MYL9: variants seen among roughly 807,000 people sequenced by gnomAD.
MYL9 encodes myosin light chain 9.
A neutral mutation model predicts 12.8 loss-of-function variants in MYL9; 7 were observed. The observed-to-expected ratio is 0.55, with a 90% CI of 0.31 to 1.03. The LOEUF (loss-of-function observed/expected upper bound fraction) is 1.03. MYL9 is among the 50% of genes least tolerant of loss of function. The pLI is 0.05. For missense variants in MYL9, 190 were observed against 242.7 expected (o/e 0.78, Z 1.44); for synonymous variants, 81 against 87.8 (o/e 0.92, Z 0.43).
intron 2 of MYL9, among the ~76,000 whole-genome samples, chr20:36,546,369 G>A (rs1026414916): frequency 2.6e-5 from 4 of 152,150 alleles, no homozygotes; most frequent in South Asian, 2.1e-4. Context: ...GTCAAGCCTC[G>A]AGCTTTGAGG....
intron 1 of MYL9, among the ~76,000 whole-genome samples, chr20:36,544,051 A>T (rs1194900159): frequency 6.6e-6 from 1 of 152,184 alleles, no homozygotes; most frequent in Non-Finnish European, 1.5e-5. Flanking sequence ...TGATAGGTGT[A>T]GGTCAGGGTC....
At chr20:36,543,479 G>A (rs749089654) in intron 1 of MYL9, among the ~76,000 whole-genome samples, 8 of 152,192 alleles carry the variant, frequency 5.3e-5, no homozygotes, top group Admixed American at 6.5e-5. Flanking sequence ...AAGAGGGGCC[G>A]CAGTCCTGGA....
intron 2 of MYL9, among the ~76,000 whole-genome samples, chr20:36,545,506 A>G (rs1413179512): frequency 4.0e-5 from 6 of 151,184 alleles, no homozygotes; most frequent in African/African-American, 1.5e-4. Context: ...CAAAAAAAAA[A>G]AAAAAAACAG....
intron 2 of MYL9, among the ~76,000 whole-genome samples, chr20:36,546,162 C>CA (rs759487550): frequency 3.9e-5 from 6 of 152,208 alleles, no homozygotes; most frequent in African/African-American, 1.2e-4. Flanking sequence ...GATGGGGAAA[C>CA]ACAGGCCCAG....
At chr20:36,543,505 A>C (rs1022055367) in intron 1 of MYL9, among the ~76,000 whole-genome samples, 35 of 152,320 alleles carry the variant, frequency 2.3e-4, no homozygotes, top group South Asian at 8.3e-4. Context: ...AGCCAGGCCC[A>C]CTGCCCCAGC....
intron 3 of MYL9, among the ~76,000 whole-genome samples, chr20:36,548,749 C>T (rs183463463): frequency 1.1e-3 from 165 of 152,270 alleles, no homozygotes; most frequent in Non-Finnish European, 2.1e-3. Flanking sequence ...GGCAGTGGAA[C>T]TCCAGAGCTC....
rs2038156403 is a variant in MYL9 at position 36,550,546 on chromosome 20, G to GGGATT, written c.*1297_*1298insGGATT. On this transcript the variant is annotated 3_prime_UTR_variant, in exon 4 of 4. Transcript: ENST00000279022. ...CCACCCCACCTGACCCCAGCGAGTG[G>GGGATT]ACCCAGCTTGGTCCTGAGGCCTTCT... 6.5e-6 allele frequency: 1 copy of GGGATT among 152,906 alleles called. No individual in the cohort carries two copies. The highest frequency in any genetic ancestry group is 1.5e-5 in the Non-Finnish European group (1 of 68,718). The allele number at this position is 152,906 out of a possible 1,614,324, so 9.5% of individuals were successfully genotyped here.
intron 1 of MYL9, among the ~76,000 whole-genome samples, chr20:36,543,982 C>T (rs2038065662): frequency 6.6e-6 from 1 of 152,122 alleles, no homozygotes; most frequent in African/African-American, 2.4e-5. Flanking sequence ...CCTTGAATGC[C>T]AGGATGAGGG....
intron 1 of MYL9, among the ~76,000 whole-genome samples, chr20:36,542,548 G>A (rs1011082774): frequency 2.6e-5 from 4 of 151,928 alleles, no homozygotes; most frequent in Admixed American, 6.6e-5. Flanking sequence ...TCTAGAAGGC[G>A]CCTCTGGATA....
chr20:36,545,557 C>T (rs1278344738), intron 2 of MYL9, among the ~76,000 whole-genome samples: 2 of 150,964 alleles, frequency 1.3e-5, no homozygotes, highest in African/African-American at 2.4e-5. Context: ...AGGGTCTGAA[C>T]GTAGACAGGC....
chr20:36,545,169 C>G, intron 2 of MYL9, 101 bp downstream of exon 2: 1 of 1,331,838 alleles, frequency 7.5e-7, no homozygotes, highest in Non-Finnish European at 1.0e-6. Flanking sequence ...TGGTGTCCAC[C>G]TTAGAGAATA....
intron 2 of MYL9, among the ~76,000 whole-genome samples, chr20:36,546,963 G>A (rs1168108003): frequency 6.6e-6 from 1 of 152,250 alleles, no homozygotes; most frequent in South Asian, 2.1e-4. Context: ...TGAGAGAAGG[G>A]GCTGGCCTTA....
In MYL9 at chr20:36,545,011, C is replaced by T. The variant is rs778734638; in HGVS notation, c.127C>T (p.Gln43Ter). Residue 43 changes from glutamine to a stop codon, truncating the protein, a stop_gained, in exon 2 of 4, where the codon CAG becomes TAG. Transcript: ENST00000279022. LOFTEE classifies it high-confidence loss of function. ...EFKEAFNMID[Q>*]NRDGFIDKED... ...TAAGGAGGCTTTCAACATGATTGAC[C>T]AGAACCGTGATGGCTTCATTGACAA... is the stretch of plus-strand genomic sequence containing the variant. 6.2e-7 allele frequency: 1 copy of T among 1,614,122 alleles called. No homozygotes were observed. Among genetic ancestry groups the T allele is most frequent in the Admixed American group, 1.7e-5 (1 of 60,008 alleles).
chr20:36,545,472 G>A (rs1418252445), intron 2 of MYL9, among the ~76,000 whole-genome samples: 2 of 150,254 alleles, frequency 1.3e-5, no homozygotes, highest in Admixed American at 6.6e-5. Flanking sequence ...ACTCCAGCCT[G>A]GGCAACAGAG....
rs565801605 is a variant in MYL9, at chr20:36,549,243, C to G, written c.513C>G (p.Asp171Glu). The G allele has an allele frequency of 6.2e-7, 1 of 1,610,352 alleles. No individual in the cohort carries two copies. The highest frequency in any genetic ancestry group is 1.3e-5 in the African/African-American group (1 of 74,828). The change falls in exon 4 of 4, where the codon GAC becomes GAG. Residue 171 changes from aspartate (D) to glutamate (E), a missense_variant. Asp to Glu is a conservative substitution (Grantham distance 45, BLOSUM62 2). Coordinates refer to ENST00000279022, the MANE Select transcript of MYL9 (RefSeq NM_006097.5). Reference protein sequence around the residue: ...RILKHGAKDKDD With the variant: ...RILKHGAKDKED Reference sequence around the variant, plus strand: ...TCAAACATGGCGCCAAGGATAAAGACGACTAGGCCACCCCAGCCCCCTGAC... The same window carrying G: ...TCAAACATGGCGCCAAGGATAAAGAGGACTAGGCCACCCCAGCCCCCTGAC...
intron 1 of MYL9, among the ~76,000 whole-genome samples, chr20:36,541,988 G>C (rs2147893495): frequency 6.6e-6 from 1 of 152,184 alleles, no homozygotes; most frequent in African/African-American, 2.4e-5. Flanking sequence ...TGGAGAAACA[G>C]CCCTGTGGGA....
At chr20:36,549,014 T>C (rs1210766658) in intron 3 of MYL9, 63 bp from the exon 4 acceptor site, 1 of 1,516,694 alleles carries the variant, frequency 6.6e-7, no homozygotes, top group African/African-American at 1.4e-5. Flanking sequence ...GGCTGAGGGA[T>C]GGGGCTGCTG....
At chr20:36,542,475 G>C (rs1317230986) in intron 1 of MYL9, among the ~76,000 whole-genome samples, 1 of 152,140 alleles carries the variant, frequency 6.6e-6, no homozygotes, top group African/African-American at 2.4e-5. Context: ...GCACCTGAAG[G>C]GGGAAGCGAT....
chr20:36,543,009 G>C (rs2038054978), intron 1 of MYL9, among the ~76,000 whole-genome samples: 2 of 152,226 alleles, frequency 1.3e-5, no homozygotes. Flanking sequence ...GTTGGGCACA[G>C]TGCACTGCCT....
Sources: allele counts gnomAD v4.1 joint callset (sites outside exome capture counted in the v4.1 genomes callset), GRCh38; gene constraint gnomAD v4.1.1; transcripts MANE v1.5; gene names NCBI Gene and HGNC (gene_info 2026-07-23, HGNC 2026-07-21).